PLCG2: variants seen among roughly 807,000 people sequenced by gnomAD.
PLCG2 encodes 1-phosphatidylinositol 4,5-bisphosphate phosphodiesterase gamma-2.
A neutral mutation model predicts 175.6 loss-of-function variants in PLCG2; 69 were observed. That is an observed-to-expected ratio of 0.39 (90% CI 0.32 to 0.48). The LOEUF is 0.48. Ranked by LOEUF, PLCG2 falls within the 20% of genes least tolerant of loss-of-function variation. PLCG2 has a pLI of 0.91. For missense variants in PLCG2, 1,798 were observed against 1,650.9 expected, an observed-to-expected ratio of 1.09 and a Z score of -1.54; for synonymous variants, 827 against 624.0, an observed-to-expected ratio of 1.33 and a Z score of -4.85.
rs1555504750 is a variant in PLCG2 at position 81,768,579 on chromosome 16, T to TC, written c.-48+12616dup. 8.9e-3 allele frequency among the ~76,000 whole-genome samples: 1,274 copies of TC among 142,662 alleles called. 41 individuals carry two copies. The highest frequency in any genetic ancestry group is 0.03 in the African/African-American group (1,124 of 37,422). 93.6% of individuals were successfully genotyped at this position (142,662 alleles called of 152,430 possible). A position where few individuals can be genotyped will look rare whatever the true frequency, so the allele number is the denominator to read the frequency against. On this transcript the variant is annotated intron_variant, in intron 2 of 5. Transcript: ENST00000565054. ...TTTTTTTTTTTTTTTTTTTTTTTTT[T>TC]CCCGAGATGGAGTTTCGCTCTTGTT...
intron 2 of PLCG2, among the ~76,000 whole-genome samples, chr16:81,845,885 A>G (rs764438865): frequency 2.6e-5 from 4 of 152,208 alleles, no homozygotes; most frequent in Non-Finnish European, 5.9e-5. Flanking sequence ...TTGCTTGACT[A>G]TGAGTCAAAG....
intron 2 of PLCG2, among the ~76,000 whole-genome samples, chr16:81,805,219 G>A (rs558759409): frequency 6.6e-6 from 1 of 152,194 alleles, no homozygotes; most frequent in South Asian, 2.1e-4. Context: ...ACAATAAAAG[G>A]CCAGGCTCGG....
intron 7 of PLCG2, among the ~76,000 whole-genome samples, chr16:81,875,950 C>G (rs1473995675): frequency 6.6e-6 from 1 of 150,564 alleles, no homozygotes; most frequent in Non-Finnish European, 1.5e-5. Context: ...TTGTCAGTGG[C>G]TGGCAAGAGG....
At chr16:81,835,537 C>T (rs755581350) in intron 2 of PLCG2, among the ~76,000 whole-genome samples, 1 of 151,966 alleles carries the variant, frequency 6.6e-6, no homozygotes, top group Non-Finnish European at 1.5e-5. Flanking sequence ...TGAGATTGTG[C>T]CATTGCTCTC....
chr16:81,777,623 T>G (rs1361378655), upstream of PLCG2, among the ~76,000 whole-genome samples: 1 of 148,116 alleles, frequency 6.8e-6, no homozygotes, highest in Non-Finnish European at 1.5e-5. Flanking sequence ...CAGTTGGGAG[T>G]GCTGAAAGAA....
intron 10 of PLCG2, among the ~76,000 whole-genome samples, chr16:81,891,131 C>G (rs751330188): frequency 2.6e-5 from 4 of 152,036 alleles, no homozygotes; most frequent in Non-Finnish European, 4.4e-5. Context: ...CCACTGCACT[C>G]CAGCCTGGGC....
chr16:81,806,147 T>C (rs1046811051), intron 2 of PLCG2, among the ~76,000 whole-genome samples: 7 of 152,164 alleles, frequency 4.6e-5, no homozygotes, highest in African/African-American at 1.7e-4. Context: ...CTATAACACA[T>C]CTTGATTCAG....
chr16:81,957,751 T>C (rs1339755294), intron 32 of PLCG2, among the ~76,000 whole-genome samples: 2 of 152,146 alleles, frequency 1.3e-5, no homozygotes, highest in Non-Finnish European at 2.9e-5. Flanking sequence ...GAGTAGCTCT[T>C]ACTCTGTTTT....
intron 30 of PLCG2, among the ~76,000 whole-genome samples, chr16:81,943,154 T>A (rs1775373271): frequency 6.6e-6 from 1 of 152,106 alleles, no homozygotes; most frequent in African/African-American, 2.4e-5. Context: ...TCATTCCAGT[T>A]CATTCTAACA....
At chr16:81,772,820 A>G (rs983257497) in intron 2 of PLCG2, among the ~76,000 whole-genome samples, 2 of 152,140 alleles carry the variant, frequency 1.3e-5, no homozygotes, top group African/African-American at 2.4e-5. Flanking sequence ...AAAAAAAAGA[A>G]TGACTGAAAA....
Position 81,928,409 on chromosome 16 carries a change from C to T in PLCG2, c.2515-149C>T. 5.0e-6 allele frequency: 3 copies of T among 602,952 alleles called. No homozygotes were observed. The South Asian group carries it at 6.0e-5, about 12-fold the overall frequency. 37.4% of individuals were successfully genotyped at this position (602,952 alleles called of 1,614,324 possible). On this transcript the variant is annotated intron_variant, in intron 23 of 32. Coordinates refer to ENST00000564138, the MANE Select transcript of PLCG2 (RefSeq NM_002661.5). ...ATCAGCTCCATGCTTCATTATTTAG[C>T]TCTCTCCCCATGGACGTATCTGGTA...
At chr16:81,947,876 C>T (rs932154462) in intron 31 of PLCG2, among the ~76,000 whole-genome samples, 13 of 152,288 alleles carry the variant, frequency 8.5e-5, no homozygotes, top group East Asian at 1.9e-4. Context: ...CTGTATCTAA[C>T]GACCGTTACC....
intron 2 of PLCG2, among the ~76,000 whole-genome samples, chr16:81,832,904 C>T (rs909712037): frequency 6.6e-6 from 1 of 152,174 alleles, no homozygotes; most frequent in African/African-American, 2.4e-5. Context: ...GCGTGTGAGG[C>T]CCAGGCAGCC....
intron 2 of PLCG2, among the ~76,000 whole-genome samples, chr16:81,822,824 A>G (rs1904864966): frequency 6.6e-6 from 1 of 150,474 alleles, no homozygotes; most frequent in African/African-American, 2.4e-5. Flanking sequence ...CAATGGCAAG[A>G]TGATGGCAAC....
At chr16:81,857,704 C>T (rs1236435325) in intron 3 of PLCG2, among the ~76,000 whole-genome samples, 4 of 152,118 alleles carry the variant, frequency 2.6e-5, no homozygotes, top group Non-Finnish European at 5.9e-5. Flanking sequence ...TCATCTAAAC[C>T]TAAATACCTC....
chr16:81,948,598 T>G (rs1911244692), intron 31 of PLCG2, among the ~76,000 whole-genome samples: 1 of 152,196 alleles, frequency 6.6e-6, no homozygotes, highest in African/African-American at 2.4e-5. Flanking sequence ...TTGCACACTT[T>G]AGAATCCTGG....
Position 81,928,620 on chromosome 16 carries a change from C to T in PLCG2, c.2577C>T (p.Asn859=), listed in dbSNP as rs747043855. Residue 859 remains asparagine (N), a synonymous_variant, in exon 24 of 33, where the codon AAC becomes AAT. Transcript: ENST00000564138. ...CRGILDLNTY[N]VVKAPQGKNQ... ...GAATATTGGACCTCAATACCTATAA[C>T]GTCGGTACGTGCACACATCATCTTA... 7.3e-5 allele frequency: 117 copies of T among 1,594,706 alleles called. No individual in the cohort carries two copies. Among genetic ancestry groups the T allele is most frequent in the Middle Eastern group, 1.7e-4 (1 of 6,044 alleles).
chr16:81,772,257 A>G (rs1351462515), intron 2 of PLCG2, among the ~76,000 whole-genome samples: 1 of 152,150 alleles, frequency 6.6e-6, no homozygotes, highest in Non-Finnish European at 1.5e-5. Context: ...AGAGTGATGC[A>G]GCTCCAAGCC....
chr16:81,774,870 G>A (rs1011247187), upstream of PLCG2, among the ~76,000 whole-genome samples: 3 of 151,672 alleles, frequency 2.0e-5, no homozygotes, highest in Admixed American at 2.0e-4. Flanking sequence ...TCAGCTTCCC[G>A]AGTAGCTGTG....
Sources: allele counts gnomAD v4.1 joint callset (sites outside exome capture counted in the v4.1 genomes callset), GRCh38; gene constraint gnomAD v4.1.1; transcripts MANE v1.5; gene names NCBI Gene and HGNC (gene_info 2026-07-23, HGNC 2026-07-21).